Variants in PTCH2 observed in about 807,000 individuals in gnomAD.
The protein encoded by PTCH2 is patched 2, also known as protein patched homolog 2.
PTCH2 carries 96 observed loss-of-function variants against 117.9 expected under a neutral mutation model. The observed-to-expected ratio is 0.81, with a 90% confidence interval of 0.69 to 0.96. PTCH2 has a LOEUF of 0.96. Among genes scored for constraint, PTCH2 ranks in the 50% least tolerant of loss-of-function variants. The pLI is 0.00. For missense variants in PTCH2, 1,379 were observed against 1,562.5 expected, an observed-to-expected ratio of 0.88 and a Z score of 1.98; for synonymous variants, 615 against 660.9, an observed-to-expected ratio of 0.93 and a Z score of 1.06.
In PTCH2 at chr1:44,826,927, G is replaced by C; in HGVS notation, c.2670C>G (p.Tyr890Ter). 1.1e-5 allele frequency: 17 copies of C among 1,614,076 alleles called. No homozygotes were observed. The highest frequency in any genetic ancestry group is 1.4e-5 in the Non-Finnish European group (17 of 1,180,038). Residue 890 changes from tyrosine (Y) to a stop codon, truncating the protein, a stop_gained, in exon 17 of 22, where the codon TAC becomes TAG. Coordinates refer to ENST00000372192, the MANE Select transcript of PTCH2 (RefSeq NM_003738.5). LOFTEE classifies it high-confidence loss of function. This position sits in a 1 kb window ranked among gnomAD's most constrained non-coding sequence, Gnocchi z 5.1. The stretch of plus-strand genomic sequence containing the variant: ...TGCGAAGGTTCTCCCCCGTGGTGTC[G>C]TATTTGTCGTGCAGCCATTCAGGAG... ...PPPPEWLHDKYDTTGENLRIP... is the reference protein window; with the variant it reads ...PPPPEWLHDK
intron 2 of PTCH2, among the ~76,000 whole-genome samples, chr1:44,838,523 G>T (rs1194709291): frequency 6.6e-6 from 1 of 152,180 alleles, no homozygotes; most frequent in Non-Finnish European, 1.5e-5. Context: ...TTACAGGCGT[G>T]AGCCACCGTG....
In PTCH2 at chr1:44,823,340, C is replaced by A; in HGVS notation, c.3160G>T (p.Ala1054Ser). ...QGSRNLRAAH[A>S]LEHTFAPVTD... ...ACGGGGGCAAATGTGTGCTCAAGGG[C>A]ATGGGCGGCCCGCAGGTTCCGGCTG... Residue 1054 changes from alanine to serine, a missense_variant, in exon 20 of 22, where the codon GCC becomes TCC. Physicochemically the swap from Ala to Ser is moderately conservative, Grantham distance 99. Coordinates refer to ENST00000372192, the MANE Select transcript of PTCH2 (RefSeq NM_003738.5). The surrounding 1 kb of genome is among the most constrained non-coding windows in gnomAD (Gnocchi z 5.1). The A allele has an allele frequency of 6.2e-7, 1 of 1,614,210 alleles. No homozygotes were observed. Among genetic ancestry groups the A allele is most frequent in the Non-Finnish European group, 8.5e-7 (1 of 1,180,046 alleles).
At position 44,832,044 on chromosome 1, in the gene PTCH2, CCT is replaced by C; in HGVS notation, c.456-2_456-1del. The C allele has an allele frequency of 6.2e-7, 1 of 1,613,222 alleles. No homozygotes were observed. The highest frequency in any genetic ancestry group is 8.5e-7 in the Non-Finnish European group (1 of 1,179,232). On this transcript the variant is annotated splice_acceptor_variant, in intron 3 of 21. Coordinates refer to ENST00000372192, the MANE Select transcript of PTCH2 (RefSeq NM_003738.5). LOFTEE classifies it high-confidence loss of function. ...AGCAGATTTTGTTCAAATCCCAGGA[CCT>C]GCAATAGCCAGGGGCATAGGAGATC... is the stretch of plus-strand genomic sequence containing the variant.
At position 44,843,065 on chromosome 1, in the gene PTCH2, G is replaced by A; in HGVS notation, c.-133C>T. 1 of 1,427,066 alleles carries A rather than the reference G, an allele frequency of 7.0e-7. No homozygotes were observed. The highest frequency in any genetic ancestry group is 9.1e-7 in the Non-Finnish European group (1 of 1,095,436). 88.4% of individuals were successfully genotyped at this position (1,427,066 alleles called of 1,614,324 possible). ...GGGCCGCCAAGGCGCGGGCGTGGGA[G>A]AGACTGTGGGGTGTGGGTGTTAAAG... On this transcript the variant is annotated 5_prime_UTR_variant, in exon 1 of 22. Coordinates refer to ENST00000372192, the MANE Select transcript of PTCH2 (RefSeq NM_003738.5).
chr1:44,826,719 A>T lies in PTCH2; in HGVS notation c.2745T>A (p.Arg915=), dbSNP rs765469593. Residue 915 remains arginine (R), a synonymous_variant, in exon 18 of 22, where the codon CGT becomes CGA. Transcript: ENST00000372192. This position sits in a 1 kb window ranked among gnomAD's most constrained non-coding sequence, Gnocchi z 5.1. ...LEFAQFPFLL[R]GLQKTADFVE... is the part of the protein sequence containing the mutation. ...CAAAGTCTGCAGTCTTCTGGAGGCC[A>T]CGCAGCAGGAAGGGGAACTGGGCAA... 1.1e-5 allele frequency: 18 copies of T among 1,597,108 alleles called. No individual in the cohort carries two copies. The highest frequency in any genetic ancestry group is 1.5e-5 in the Non-Finnish European group (18 of 1,169,684).
rs935055233 is a variant in PTCH2, at chr1:44,828,964, TGGGGGACAAG to T, written c.1464+8_1464+17del. 6.3e-5 allele frequency: 98 copies of T among 1,551,086 alleles called. No individual in the cohort carries two copies. Among genetic ancestry groups the T allele is most frequent in the Admixed American group, 3.7e-4 (19 of 51,032 alleles). ...AAGCTGAGCTGCCTCAGATGAGCCCTGGGGGACAAGGCCCCACCTGGAGAGGGGTGCCAGG... is the reference window on the plus strand; with the variant it reads ...AAGCTGAGCTGCCTCAGATGAGCCCTGCCCCACCTGGAGAGGGGTGCCAGG... On this transcript the variant is annotated splice_region_variant and intron_variant, in intron 11 of 21. Transcript: ENST00000372192.
chr1:44,822,502 AT>A lies in PTCH2; in HGVS notation c.3524del (p.His1175LeufsTer79). ...ACCAAGGGGGCTCATCAGGGGCTGG[AT>A]GGATGTAGGCACCAGGCAGGGGGGG... Reference protein sequence around the residue: ...HPPPLPGAYIHPAPDEPPWSP... With the variant: ...HPPPLPGAYIXPAPDEPPWSP... On this transcript the variant is annotated frameshift_variant, in exon 22 of 22. Transcript: ENST00000372192. LOFTEE classifies it low-confidence loss of function (END_TRUNC). The A allele has an allele frequency of 6.2e-7, 1 of 1,613,742 alleles. No individual in the cohort carries two copies. Among genetic ancestry groups the A allele is most frequent in the African/African-American group, 1.3e-5 (1 of 75,002 alleles).
rs1162501288 is a variant in PTCH2 at position 44,822,474 on chromosome 1, G to A, written c.3553C>T (p.Pro1185Ser). Residue 1185 changes from proline to serine, a missense_variant, in exon 22 of 22, where the codon CCT becomes TCT. Coordinates refer to ENST00000372192, the MANE Select transcript of PTCH2 (RefSeq NM_003738.5). ...HPAPDEPPWS[P>S]AATSSGNLSS... ...AGGTTGCCAGAGCTAGTGGCAGCAG[G>A]GGACCAAGGGGGCTCATCAGGGGCT... The A allele has an allele frequency of 1.2e-6, 2 of 1,613,952 alleles. No homozygotes were observed. Among genetic ancestry groups the A allele is most frequent in the East Asian group, 2.2e-5 (1 of 44,882 alleles).
rs1029470044 is a variant in PTCH2 at position 44,823,676 on chromosome 1, T to A, written c.3115-291A>T. ...AAACAAGCCCGGGCACGGTGGCTCATGCCTGTAATCCCAGCACTTTGGGAG... is the reference window on the plus strand; with the variant it reads ...AAACAAGCCCGGGCACGGTGGCTCAAGCCTGTAATCCCAGCACTTTGGGAG... On this transcript the variant is annotated intron_variant, in intron 19 of 21. Transcript: ENST00000372192. This position sits in a 1 kb window ranked among gnomAD's most constrained non-coding sequence, Gnocchi z 5.1. 6.6e-6 allele frequency among the ~76,000 whole-genome samples: 1 copy of A among 151,622 alleles called. No homozygotes were observed. Among genetic ancestry groups the A allele is most frequent in the Admixed American group, 6.6e-5 (1 of 15,248 alleles).
chr1:44,822,382 C>T lies in PTCH2; in HGVS notation c.*33G>A. 6.2e-7 allele frequency: 1 copy of T among 1,612,946 alleles called. No homozygotes were observed. Among genetic ancestry groups the T allele is most frequent in the South Asian group, 1.1e-5 (1 of 91,080 alleles). The stretch of plus-strand genomic sequence containing the variant: ...AGTGCTTCCCAGTGACCCCACACGC[C>T]CCACACATGGTCTCTGTGCTTCAGC... On this transcript the variant is annotated 3_prime_UTR_variant, in exon 22 of 22. Transcript: ENST00000372192.
rs1653421773 is a variant in PTCH2 at position 44,831,025 on chromosome 1, C to G, written c.636G>C (p.Gln212His). The change falls in exon 6 of 22, where the codon CAG (glutamine) becomes CAC (histidine). Residue 212 changes from glutamine to histidine, a missense_variant. By Grantham distance (24) the Gln-to-His change is conservative (BLOSUM62 0). Coordinates refer to ENST00000372192, the MANE Select transcript of PTCH2 (RefSeq NM_003738.5). The surrounding 1 kb of genome is among the most constrained non-coding windows in gnomAD (Gnocchi z 4.3). Reference protein sequence around the residue: ...SAYLPGRPDIQWTNLDPEQLL... With the variant: ...SAYLPGRPDIHWTNLDPEQLL... ...GCTGCTCTGGATCCAGGTTGGTCCA[C>G]TGGATATCCGGGCGGCCGCTGAGGG... 6.2e-7 allele frequency: 1 copy of G among 1,611,634 alleles called. No homozygotes were observed. The highest frequency in any genetic ancestry group is 1.3e-5 in the African/African-American group (1 of 74,884).
chr1:44,822,265 T>A lies in PTCH2; in HGVS notation c.*150A>T. 6.4e-7 allele frequency: 1 copy of A among 1,562,252 alleles called. No individual in the cohort carries two copies. The highest frequency in any genetic ancestry group is 8.6e-7 in the Non-Finnish European group (1 of 1,161,896). ...CAAATCGGTGGCTGTTCTGTATGGATATCAGGGAGGCCCATGACAGCTGGG... is the reference window on the plus strand; with the variant it reads ...CAAATCGGTGGCTGTTCTGTATGGAAATCAGGGAGGCCCATGACAGCTGGG... On this transcript the variant is annotated 3_prime_UTR_variant, in exon 22 of 22. Coordinates refer to ENST00000372192, the MANE Select transcript of PTCH2 (RefSeq NM_003738.5).
At chr1:44,835,077 T>C (rs937587574) in intron 2 of PTCH2, among the ~76,000 whole-genome samples, 4 of 152,074 alleles carry the variant, frequency 2.6e-5, no homozygotes, top group African/African-American at 4.8e-5. Context: ...AAACAACTTG[T>C]CTCTTTTTTT....
At chr1:44,822,817 G>A (rs1652967747) in intron 21 of PTCH2, 148 bp from the exon 22 acceptor site, 2 of 946,124 alleles carry the variant, frequency 2.1e-6, no homozygotes, top group East Asian at 4.9e-5. Context: ...GCGACAGGAT[G>A]TTGAGGCCTG....
intron 2 of PTCH2, 22 bp downstream of exon 2, chr1:44,841,825 A>G: frequency 6.2e-7 from 1 of 1,612,014 alleles, no homozygotes; most frequent in Non-Finnish European, 8.5e-7. Flanking sequence ...CTGAGCAGCT[A>G]TGGCCAGTGT....
rs1288944308 is a variant in PTCH2, at chr1:44,826,830, T to C, written c.2696-62A>G. ...ACAGGGCGGTGAGCACGGGGCAGAG[T>C]GGGCAGGGCCTCAGGCTCAGGGCTT... On this transcript the variant is annotated intron_variant, in intron 17 of 21. Coordinates refer to ENST00000372192, the MANE Select transcript of PTCH2 (RefSeq NM_003738.5). This position sits in a 1 kb window ranked among gnomAD's most constrained non-coding sequence, Gnocchi z 5.1. The C allele has an allele frequency of 1.9e-6, 3 of 1,609,700 alleles. No individual in the cohort carries two copies. The highest frequency in any genetic ancestry group is 2.5e-6 in the Non-Finnish European group (3 of 1,177,194).
chr1:44,820,439 C>T (rs771943530), downstream of PTCH2: 1 of 676,166 alleles, frequency 1.5e-6, no homozygotes, highest in Non-Finnish European at 2.7e-6. Context: ...GACGGGGAAA[C>T]AGACGGGCAC....
At position 44,842,944 on chromosome 1, in the gene PTCH2, TGGG is replaced by T; in HGVS notation, c.-15_-13del. On this transcript the variant is annotated 5_prime_UTR_variant, in exon 1 of 22. Coordinates refer to ENST00000372192, the MANE Select transcript of PTCH2 (RefSeq NM_003738.5). Reference sequence around the variant, plus strand: ...GGCGATCGAGTCATGCTGGCGGGGATGGGGGGCGCGGGCGCCCCCAACCCGCGT... The same window carrying T: ...GGCGATCGAGTCATGCTGGCGGGGATGGGCGCGGGCGCCCCCAACCCGCGT... The T allele has an allele frequency of 1.3e-6, 2 of 1,490,868 alleles. No homozygotes were observed. The highest frequency in any genetic ancestry group is 1.8e-6 in the Non-Finnish European group (2 of 1,117,626). The allele number at this position is 1,490,868 out of a possible 1,614,324, so 92.4% of individuals were successfully genotyped here.
rs749373657 is a variant in PTCH2 at position 44,826,447 on chromosome 1, A to G, written c.2976+41T>C. 7 of 1,613,602 alleles carry G rather than the reference A, an allele frequency of 4.3e-6. No homozygotes were observed. The Middle Eastern group carries it at 8.3e-4, about 190-fold the overall frequency. ...AGGAGGGATGACAGGCTGGGCAGGG[A>G]AGGGTGGGGTGTCTCTGTCCCCACT... is the stretch of plus-strand genomic sequence containing the variant. On this transcript the variant is annotated intron_variant, in intron 18 of 21. Coordinates refer to ENST00000372192, the MANE Select transcript of PTCH2 (RefSeq NM_003738.5). The surrounding 1 kb of genome is among the most constrained non-coding windows in gnomAD (Gnocchi z 5.1).
Sources: gnomAD v4.1 joint callset for allele counts (sites outside exome capture counted in the v4.1 genomes callset) on GRCh38, gnomAD v4.1.1 for gene constraint, Gnocchi (gnomAD v3.1) non-coding constraint, MANE v1.5 for transcripts, NCBI Gene and HGNC (gene_info 2026-07-23, HGNC 2026-07-21) for gene names.